The following GPHN variants were observed in gnomAD, a reference collection of about 807,000 sequenced individuals.
GPHN encodes the protein gephyrin.
A neutral mutation model predicts 95.5 loss-of-function variants in GPHN; 17 were observed. The observed-to-expected ratio is 0.18, with a 90% CI of 0.12 to 0.27. The LOEUF is 0.27. Ranked by LOEUF, GPHN falls within the 10% of genes least tolerant of loss-of-function variation. GPHN has a pLI of 1.00. For synonymous variants in GPHN, 320 were observed against 322.5 expected (o/e 0.99, Z 0.08); for missense variants, 660 against 978.1 (o/e 0.67, Z 4.34).
the GPHN span, among the ~76,000 whole-genome samples, chr14:67,389,730 C>A: frequency 1.3e-5 from 2 of 151,282 alleles, no homozygotes; most frequent in Non-Finnish European, 2.9e-5. Flanking sequence ...GTAGGTTAGG[C>A]TAGACCATGG....
intron 1 of GPHN, among the ~76,000 whole-genome samples, chr14:66,632,308 C>G (rs2063850768): frequency 6.6e-6 from 1 of 151,986 alleles, no homozygotes; most frequent in African/African-American, 2.4e-5. Flanking sequence ...TTCTCTAAAC[C>G]CTCTGTATTG....
At chr14:67,489,904 G>A in the GPHN span, among the ~76,000 whole-genome samples, 1 of 152,034 alleles carries the variant, frequency 6.6e-6, no homozygotes, top group Non-Finnish European at 1.5e-5. Context: ...GCAGGAGAAT[G>A]GCGTGAACCT....
intron 1 of GPHN, among the ~76,000 whole-genome samples, chr14:66,572,014 T>A (rs2060712968): frequency 6.6e-6 from 1 of 152,202 alleles, no homozygotes; most frequent in African/African-American, 2.4e-5. Context: ...CCCAATATCA[T>A]TTGTTGAAGG....
chr14:66,714,438 G>A (rs541469863), intron 2 of GPHN, among the ~76,000 whole-genome samples: 1 of 152,232 alleles, frequency 6.6e-6, no homozygotes, highest in South Asian at 2.1e-4. Flanking sequence ...CATATCATCA[G>A]CAAACAGTGA....
At chr14:67,314,074 C>A in the GPHN span, among the ~76,000 whole-genome samples, 1 of 152,134 alleles carries the variant, frequency 6.6e-6, no homozygotes, top group African/African-American at 2.4e-5. Flanking sequence ...TTATCTACAA[C>A]CTTTTTTAGC....
chr14:66,940,915 G>A, intron 8 of GPHN, among the ~76,000 whole-genome samples: 1 of 152,162 alleles, frequency 6.6e-6, no homozygotes, highest in Non-Finnish European at 1.5e-5. Context: ...CCAAATAACT[G>A]TTGGCTATAT....
chr14:66,512,993 A>T (rs1594777311), intron 1 of GPHN, among the ~76,000 whole-genome samples: 2 of 151,830 alleles, frequency 1.3e-5, no homozygotes, highest in Non-Finnish European at 3.0e-5. Flanking sequence ...CTGTTTTTTT[A>T]ATATGTGTTT....
At chr14:67,693,750 C>G in the GPHN span, among the ~76,000 whole-genome samples, 1 of 151,360 alleles carries the variant, frequency 6.6e-6, no homozygotes, top group Admixed American at 6.6e-5. Flanking sequence ...CACTGCAACC[C>G]CCATCTCCCA....
the GPHN span, among the ~76,000 whole-genome samples, chr14:67,433,544 A>G: frequency 6.6e-6 from 1 of 152,212 alleles, no homozygotes; most frequent in South Asian, 2.1e-4. Flanking sequence ...GAATATAAAG[A>G]CAAATGAGAC....
intron 1 of GPHN, among the ~76,000 whole-genome samples, chr14:66,677,756 G>A (rs1172802038): frequency 3.9e-5 from 6 of 151,958 alleles, no homozygotes; most frequent in Non-Finnish European, 8.8e-5. Context: ...GATCTAAAAT[G>A]GTTTACAGGC....
the GPHN span, among the ~76,000 whole-genome samples, chr14:67,372,034 G>A: frequency 2.0e-5 from 3 of 152,264 alleles, no homozygotes; most frequent in South Asian, 2.1e-4. Context: ...GGAGGCCTAG[G>A]TGGGGGGATC....
chr14:67,035,910 G>A (rs558855756), intron 10 of GPHN, among the ~76,000 whole-genome samples: 7 of 151,740 alleles, frequency 4.6e-5, no homozygotes, highest in Non-Finnish European at 8.9e-5. Context: ...AAATTTATTA[G>A]GCAACATTAC....
chr14:67,010,455 G>A (rs1287977153), intron 9 of GPHN, among the ~76,000 whole-genome samples: 1 of 151,364 alleles, frequency 6.6e-6, no homozygotes, highest in Non-Finnish European at 1.5e-5. Flanking sequence ...GGGAGGTTGA[G>A]GCAGAAGAGT....
chr14:66,821,414 C>T (rs1019329680), intron 3 of GPHN, among the ~76,000 whole-genome samples: 5 of 152,142 alleles, frequency 3.3e-5, no homozygotes, highest in Non-Finnish European at 1.5e-5. Flanking sequence ...AATTCCGTGA[C>T]ACCACTGGTG....
the GPHN span, chr14:67,303,427 C>T: frequency 9.4e-6 from 9 of 952,948 alleles, no homozygotes; most frequent in Admixed American, 1.7e-4. Context: ...TGGAGGGGTT[C>T]TGAAATAGTC....
chr14:67,660,804 A>G, the GPHN span, among the ~76,000 whole-genome samples: 2 of 152,252 alleles, frequency 1.3e-5, no homozygotes, highest in Non-Finnish European at 2.9e-5. Context: ...GAAAACAAGT[A>G]TCTGAGCATC....
chr14:67,284,547 TAAAAAAAAAAAAAAAAAAAAAAAAA>T, the GPHN span, among the ~76,000 whole-genome samples: 38 of 23,308 alleles, frequency 1.6e-3, 2 homozygotes, highest in South Asian at 0.027. Context: ...GCTGCAGTGC[TAAAAAAAAAAAAAAAAAAAAAAAAA>T]AAAAAAAAAA....
intron 6 of GPHN, among the ~76,000 whole-genome samples, chr14:66,921,252 A>G (rs2066201137): frequency 6.6e-6 from 1 of 152,170 alleles, no homozygotes; most frequent in Non-Finnish European, 1.5e-5. Flanking sequence ...ATCCATGCCA[A>G]CATCTACTGT....
the GPHN span, among the ~76,000 whole-genome samples, chr14:67,463,345 A>T: frequency 2.6e-5 from 4 of 152,308 alleles, no homozygotes; most frequent in African/African-American, 9.6e-5. Flanking sequence ...TTCCATTTTA[A>T]GATGTTTGCT....
Sources: gnomAD v4.1 joint callset for allele counts (sites outside exome capture counted in the v4.1 genomes callset) on GRCh38, gnomAD v4.1.1 for gene constraint, MANE v1.5 for transcripts, NCBI Gene and HGNC (gene_info 2026-07-23, HGNC 2026-07-21) for gene names.